AATF: variants seen among roughly 807,000 people sequenced by gnomAD.
The protein encoded by AATF is apoptosis antagonizing transcription factor.
In AATF, 48 loss-of-function variants were observed where a neutral mutation model predicts 63.7. The observed-to-expected ratio is 0.75, with a 90% CI of 0.60 to 0.96. The LOEUF (loss-of-function observed/expected upper bound fraction) is 0.96, where lower values mean the gene tolerates loss of function less well. Among genes scored for constraint, AATF ranks in the 40% least tolerant of loss-of-function variants. AATF has a pLI of 0.00. For missense variants in AATF, 639 were observed against 685.7 expected (o/e 0.93, Z 0.76); for synonymous variants, 258 against 247.7 (o/e 1.04, Z -0.39).
At chr17:37,005,595 T>C (rs2071335510) in intron 8 of AATF, among the ~76,000 whole-genome samples, 1 of 152,242 alleles carries the variant, frequency 6.6e-6, no homozygotes, top group Non-Finnish European at 1.5e-5. Context: ...ACTTCCTTTT[T>C]ATTCTTTAAA....
At chr17:36,990,074 T>C (rs2071201738) in intron 7 of AATF, among the ~76,000 whole-genome samples, 1 of 128,624 alleles carries the variant, frequency 7.8e-6, no homozygotes, top group Non-Finnish European at 1.9e-5. Flanking sequence ...TGTGTAACTA[T>C]ATATGTGTGC....
Position 36,949,054 on chromosome 17 carries a change from A to C in AATF, c.-72A>C. On this transcript the variant is annotated 5_prime_UTR_variant, in exon 1 of 12. Coordinates refer to ENST00000619387, the MANE Select transcript of AATF (RefSeq NM_012138.4). ...TCAAGGCGAGAGGATCCGGCAGGGA[A>C]GGAGCTTCGGGGCCGGGGGTTGGGC... The C allele has an allele frequency of 7.5e-7, 1 of 1,327,312 alleles. No individual in the cohort carries two copies. Among genetic ancestry groups the C allele is most frequent in the Non-Finnish European group, 1.0e-6 (1 of 956,030 alleles). 82.2% of individuals were successfully genotyped at this position (1,327,312 alleles called of 1,614,324 possible).
At chr17:37,043,523 C>A (rs1218007073) in intron 11 of AATF, among the ~76,000 whole-genome samples, 1 of 152,166 alleles carries the variant, frequency 6.6e-6, no homozygotes, top group Non-Finnish European at 1.5e-5. Flanking sequence ...TTCACAGACA[C>A]ACTTATTGGG....
At chr17:37,006,240 C>G (rs544207634) in intron 8 of AATF, among the ~76,000 whole-genome samples, 1 of 152,134 alleles carries the variant, frequency 6.6e-6, no homozygotes, top group Non-Finnish European at 1.5e-5. Flanking sequence ...GAGGCCAAAG[C>G]GGGTGGATCA....
At chr17:37,019,146 T>C in intron 9 of AATF, 74 bp downstream of exon 9, 1 of 1,205,366 alleles carries the variant, frequency 8.3e-7, no homozygotes, top group Non-Finnish European at 1.2e-6. Context: ...CCTTTAATTC[T>C]ACCTGCAAAG....
chr17:37,040,736 A>G (rs1289519335), intron 11 of AATF, among the ~76,000 whole-genome samples: 2 of 133,534 alleles, frequency 1.5e-5, no homozygotes, highest in Non-Finnish European at 3.1e-5. Context: ...ACTTCTTTAG[A>G]TTAAAATGCT....
chr17:37,024,261 A>T (rs1293614300), intron 10 of AATF, among the ~76,000 whole-genome samples: 1 of 152,196 alleles, frequency 6.6e-6, no homozygotes. Flanking sequence ...CTTGCACAAG[A>T]CGACTTCCTC....
intron 11 of AATF, among the ~76,000 whole-genome samples, chr17:37,041,582 T>G (rs1392657387): frequency 2.6e-5 from 4 of 152,210 alleles, no homozygotes. Flanking sequence ...CTCGGCTCAC[T>G]GCAATGTCCG....
At chr17:36,968,223 AT>A (rs945859504) in intron 4 of AATF, among the ~76,000 whole-genome samples, 1 of 108,426 alleles carries the variant, frequency 9.2e-6, no homozygotes, top group Non-Finnish European at 2.0e-5. Flanking sequence ...AGTTTTTAAA[AT>A]TTTCTTCTAT....
At chr17:36,999,806 A>G (rs997216764) in intron 8 of AATF, 1 of 152,376 alleles carries the variant, frequency 6.6e-6, no homozygotes, top group Non-Finnish European at 1.5e-5. Context: ...GGGGAAGAGC[A>G]TTAGGGACAA....
intron 10 of AATF, among the ~76,000 whole-genome samples, chr17:37,025,910 C>A (rs1025981201): frequency 6.6e-6 from 1 of 152,124 alleles, no homozygotes; most frequent in Admixed American, 6.5e-5. Flanking sequence ...AGTATCTCCC[C>A]CAAGATATTT....
intron 11 of AATF, among the ~76,000 whole-genome samples, chr17:37,046,204 G>T (rs1203908219): frequency 6.6e-6 from 1 of 152,118 alleles, no homozygotes; most frequent in Non-Finnish European, 1.5e-5. Flanking sequence ...TAGCTTGGGT[G>T]TCAGAAGAGC....
At chr17:36,972,212 G>GA in intron 4 of AATF, among the ~76,000 whole-genome samples, 1 of 152,152 alleles carries the variant, frequency 6.6e-6, no homozygotes, top group Middle Eastern at 3.4e-3. Flanking sequence ...TATATCCTTG[G>GA]TACTGAAACC....
At chr17:36,985,725 T>C (rs911723982) in intron 4 of AATF, among the ~76,000 whole-genome samples, 4 of 151,730 alleles carry the variant, frequency 2.6e-5, no homozygotes, top group African/African-American at 9.7e-5. Context: ...TTTGTATTTT[T>C]TTTTTAGTAG....
intron 4 of AATF, among the ~76,000 whole-genome samples, chr17:36,959,847 A>G (rs1047422025): frequency 2.6e-5 from 4 of 152,212 alleles, no homozygotes; most frequent in Admixed American, 2.0e-4. Flanking sequence ...ATATAAATAC[A>G]GAGAAAGTAT....
Position 36,949,083 on chromosome 17 carries a change from A to G in AATF, c.-43A>G. On this transcript the variant is annotated 5_prime_UTR_variant, in exon 1 of 12. Coordinates refer to ENST00000619387, the MANE Select transcript of AATF (RefSeq NM_012138.4). ...GCTTCGGGGCCGGGGGTTGGGCCGC[A>G]CATTTACGTGCGCGAAGCGGAGTGG... is the stretch of plus-strand genomic sequence containing the variant. 1.3e-6 allele frequency: 2 copies of G among 1,500,030 alleles called. 1 individual carries two copies. Among genetic ancestry groups the G allele is most frequent in the South Asian group, 2.4e-5 (2 of 82,782 alleles). 92.9% of individuals were successfully genotyped at this position (1,500,030 alleles called of 1,614,324 possible). A position where few individuals can be genotyped will look rare whatever the true frequency, so the allele number is the denominator to read the frequency against.
At chr17:36,992,391 A>G (rs900364909) in intron 8 of AATF, among the ~76,000 whole-genome samples, 1 of 152,166 alleles carries the variant, frequency 6.6e-6, no homozygotes. Flanking sequence ...TCAGAAGAGT[A>G]AGGAACTCTA....
chr17:36,954,569 A>G (rs545618440), intron 4 of AATF, among the ~76,000 whole-genome samples: 6 of 152,348 alleles, frequency 3.9e-5, no homozygotes, highest in Non-Finnish European at 8.8e-5. Flanking sequence ...TCTTTGAGTG[A>G]CATAGAGTGA....
intron 11 of AATF, among the ~76,000 whole-genome samples, chr17:37,041,800 C>T (rs1037153074): frequency 6.6e-6 from 1 of 152,178 alleles, no homozygotes; most frequent in Non-Finnish European, 1.5e-5. Flanking sequence ...CCACCACACC[C>T]GGCCGGGAGA....
Sources: gnomAD v4.1 joint callset for allele counts (sites outside exome capture counted in the v4.1 genomes callset) on GRCh38, gnomAD v4.1.1 for gene constraint, MANE v1.5 for transcripts, NCBI Gene and HGNC (gene_info 2026-07-23, HGNC 2026-07-21) for gene names.